The following EAF2 variants were observed in gnomAD, a reference collection of about 807,000 sequenced individuals.
EAF2 encodes ELL associated factor 2.
A neutral mutation model predicts 29.4 loss-of-function variants in EAF2; 29 were observed. The observed-to-expected ratio is 0.99, with a 90% CI of 0.73 to 1.35. EAF2 has a LOEUF of 1.35. Ranked by LOEUF, EAF2 falls within the 40% of genes most tolerant of loss-of-function variation. The pLI is 0.00. For synonymous variants in EAF2, 103 were observed against 102.5 expected (o/e 1.00, Z -0.03); for missense variants, 292 against 312.0 (o/e 0.94, Z 0.48).
chr3:121,886,410 A>C lies in EAF2; in HGVS notation c.*22A>C. 7.2e-7 allele frequency: 1 copy of C among 1,381,104 alleles called. No individual in the cohort carries two copies. Among genetic ancestry groups the C allele is most frequent in the Non-Finnish European group, 9.7e-7 (1 of 1,036,066 alleles). 85.6% of individuals were successfully genotyped at this position (1,381,104 alleles called of 1,614,324 possible). ...CTGAAGAAATATTTAGCTATAAATA[A>C]AAATTTATACAGCATGTATAATTTA... On this transcript the variant is annotated 3_prime_UTR_variant, in exon 6 of 6. Coordinates refer to ENST00000273668, the MANE Select transcript of EAF2 (RefSeq NM_018456.6).
At chr3:121,844,383 A>G in intron 1 of EAF2, 70 bp from the exon 2 acceptor site, 1 of 941,804 alleles carries the variant, frequency 1.1e-6, no homozygotes, top group East Asian at 2.6e-5. Flanking sequence ...TCATTCTGAA[A>G]CATGCTCATA....
At chr3:121,853,910 G>A (rs1000752967) in intron 2 of EAF2, among the ~76,000 whole-genome samples, 3 of 152,108 alleles carry the variant, frequency 2.0e-5, no homozygotes, top group Non-Finnish European at 4.4e-5. Flanking sequence ...TTTTAATTAT[G>A]CTAAATTTAA....
In EAF2 at chr3:121,886,333, T is replaced by G; in HGVS notation, c.737-9T>G. On this transcript the variant is annotated splice_polypyrimidine_tract_variant and intron_variant, in intron 5 of 5. Coordinates refer to ENST00000273668, the MANE Select transcript of EAF2 (RefSeq NM_018456.6). ...TTACTACAGTTTTGTTATTTCTTTC[T>G]TATTTTAGGAAATGATTTGCAGCTG... 2.0e-6 allele frequency: 3 copies of G among 1,471,904 alleles called. No individual in the cohort carries two copies. Among genetic ancestry groups the G allele is most frequent in the Non-Finnish European group, 2.7e-6 (3 of 1,103,442 alleles). 91.2% of individuals were successfully genotyped at this position (1,471,904 alleles called of 1,614,324 possible). A position where few individuals can be genotyped will look rare whatever the true frequency, so the allele number is the denominator to read the frequency against.
chr3:121,859,052 A>G (rs1708777570), intron 4 of EAF2, among the ~76,000 whole-genome samples: 2 of 152,126 alleles, frequency 1.3e-5, no homozygotes, highest in South Asian at 4.1e-4. Context: ...TACCAGTACT[A>G]TGGTGTTTTG....
At chr3:121,858,471 T>C (rs1394340534) in intron 4 of EAF2, among the ~76,000 whole-genome samples, 1 of 152,264 alleles carries the variant, frequency 6.6e-6, no homozygotes, top group Non-Finnish European at 1.5e-5. Flanking sequence ...TGTCTTCTTT[T>C]GAGAAGTGTC....
intron 4 of EAF2, among the ~76,000 whole-genome samples, chr3:121,860,483 G>T (rs1009012081): frequency 2.6e-5 from 4 of 152,094 alleles, no homozygotes; most frequent in Admixed American, 2.6e-4. Context: ...TTCTCTGATG[G>T]TAGTTTGTAT....
At chr3:121,873,665 C>T (rs1005692486) in intron 5 of EAF2, among the ~76,000 whole-genome samples, 1 of 151,786 alleles carries the variant, frequency 6.6e-6, no homozygotes, top group Non-Finnish European at 1.5e-5. Flanking sequence ...AGAGGCAAAA[C>T]ACCTTAACAT....
At chr3:121,864,360 C>A (rs1708886766) in intron 4 of EAF2, among the ~76,000 whole-genome samples, 1 of 152,164 alleles carries the variant, frequency 6.6e-6, no homozygotes, top group Non-Finnish European at 1.5e-5. Flanking sequence ...AAGTCCAGAA[C>A]CCTTGGCGAT....
At chr3:121,861,144 C>G (rs1268901333) in intron 4 of EAF2, among the ~76,000 whole-genome samples, 1 of 152,172 alleles carries the variant, frequency 6.6e-6, no homozygotes, top group Non-Finnish European at 1.5e-5. Flanking sequence ...GATGTATATT[C>G]TGTTGATTTG....
Position 121,876,308 on chromosome 3 carries a change from A to G in EAF2, c.736+3520A>G, listed in dbSNP as rs569447280. On this transcript the variant is annotated intron_variant, in intron 5 of 5. Coordinates refer to ENST00000273668, the MANE Select transcript of EAF2 (RefSeq NM_018456.6). ...TTTATACCCAAACACAATGTCATTCAAGAGTAAAATAATTTTCAGGCACAC... is the reference window on the plus strand; with the variant it reads ...TTTATACCCAAACACAATGTCATTCGAGAGTAAAATAATTTTCAGGCACAC... Among the ~76,000 whole-genome samples the G allele has an allele frequency of 2.6e-5, 4 of 152,038 alleles. No individual in the cohort carries two copies. In the South Asian group the frequency reaches 8.3e-4, roughly 31 times the overall value.
At chr3:121,851,679 A>G (rs767944284) in intron 2 of EAF2, among the ~76,000 whole-genome samples, 14 of 152,168 alleles carry the variant, frequency 9.2e-5, no homozygotes, top group Non-Finnish European at 1.8e-4. Flanking sequence ...ACAGTTTTTT[A>G]AGCACAGAAA....
chr3:121,835,474 C>T (rs1367059523), intron 1 of EAF2, 83 bp downstream of exon 1: 16 of 1,231,626 alleles, frequency 1.3e-5, no homozygotes, highest in African/African-American at 3.0e-5. Context: ...GTTTTGTTCC[C>T]ACAGTACCCC....
intron 1 of EAF2, among the ~76,000 whole-genome samples, chr3:121,840,515 A>AAAAAC (rs1708397691): frequency 2.8e-4 from 27 of 97,944 alleles, no homozygotes; most frequent in Admixed American, 5.2e-4. Flanking sequence ...AAAAGAAAAA[A>AAAAAC]AAAAAACGGG....
intron 4 of EAF2, among the ~76,000 whole-genome samples, chr3:121,868,052 A>G (rs1708954450): frequency 6.6e-6 from 1 of 152,214 alleles, no homozygotes; most frequent in Admixed American, 6.5e-5. Context: ...CAAACAGAAA[A>G]CAAATAACAA....
Position 121,880,785 on chromosome 3 carries a change from G to A in EAF2, c.737-5557G>A, listed in dbSNP as rs372995352. On this transcript the variant is annotated intron_variant, in intron 5 of 5. Transcript: ENST00000273668. ...CGTTTAATAAGAATGGTGAGAGTGC[G>A]CATCCTTATATTGTTCCAGCTCCTA... Among the ~76,000 whole-genome samples, 496 of 152,168 alleles carry A rather than the reference G, an allele frequency of 3.3e-3. 1 individual carries two copies. Among genetic ancestry groups the A allele is most frequent in the African/African-American group, 0.011 (457 of 41,500 alleles).
At chr3:121,880,155 T>A (rs1709168805) in intron 5 of EAF2, among the ~76,000 whole-genome samples, 1 of 152,086 alleles carries the variant, frequency 6.6e-6, no homozygotes, top group African/African-American at 2.4e-5. Context: ...TTTTGTTTTT[T>A]AATTAAAGAC....
chr3:121,860,628 A>G (rs1708810296), intron 4 of EAF2, among the ~76,000 whole-genome samples: 1 of 151,826 alleles, frequency 6.6e-6, no homozygotes, highest in African/African-American at 2.4e-5. Context: ...CAGCTCCTAG[A>G]TTCATTGATT....
intron 4 of EAF2, among the ~76,000 whole-genome samples, chr3:121,858,287 CA>C (rs1240748123): frequency 1.3e-5 from 2 of 152,232 alleles, no homozygotes; most frequent in African/African-American, 4.8e-5. Flanking sequence ...GTCCCATCAA[CA>C]GTGTAAAAGT....
intron 2 of EAF2, among the ~76,000 whole-genome samples, chr3:121,848,453 G>A (rs1708569746): frequency 6.6e-6 from 1 of 152,130 alleles, no homozygotes; most frequent in Non-Finnish European, 1.5e-5. Flanking sequence ...TTCTGCTGCT[G>A]TGTGTTTCAT....
Sources: allele counts gnomAD v4.1 joint callset (sites outside exome capture counted in the v4.1 genomes callset), GRCh38; gene constraint gnomAD v4.1.1; transcripts MANE v1.5; gene names NCBI Gene and HGNC (gene_info 2026-07-23, HGNC 2026-07-21).